ARHGAP24: variants seen among roughly 807,000 people sequenced by gnomAD.
The protein encoded by ARHGAP24 is rho GTPase-activating protein 24.
ARHGAP24 carries 50 observed loss-of-function variants against 76.4 expected under a neutral mutation model. The ratio of observed to expected loss-of-function variants is 0.65; its 90% CI spans 0.52 to 0.83. ARHGAP24 has a LOEUF of 0.83. Among genes scored for constraint, ARHGAP24 ranks in the 40% least tolerant of loss-of-function variants. The pLI, the probability that ARHGAP24 is intolerant of heterozygous loss-of-function variation, is 0.00. For missense variants in ARHGAP24, 930 were observed against 914.2 expected (o/e 1.02, Z -0.22); for synonymous variants, 345 against 323.3 (o/e 1.07, Z -0.72).
chr4:85,612,260 T>C (rs906126943), intron 2 of ARHGAP24, among the ~76,000 whole-genome samples: 4 of 151,090 alleles, frequency 2.6e-5, no homozygotes, highest in East Asian at 2.0e-4. Context: ...CTACTAAAAA[T>C]ACAAAAATTA....
chr4:85,493,691 T>C (rs1054833316), intron 1 of ARHGAP24, among the ~76,000 whole-genome samples: 1 of 152,154 alleles, frequency 6.6e-6, no homozygotes, highest in African/African-American at 2.4e-5. Context: ...AGCCCATGAG[T>C]CAATCATTTT....
intron 1 of ARHGAP24, among the ~76,000 whole-genome samples, chr4:85,552,893 T>C (rs946229515): frequency 6.6e-6 from 1 of 152,172 alleles, no homozygotes; most frequent in African/African-American, 2.4e-5. Context: ...ATGGATGTCA[T>C]TGTGTGTCCA....
chr4:85,709,808 G>A (rs551782912), intron 2 of ARHGAP24, among the ~76,000 whole-genome samples: 2 of 152,032 alleles, frequency 1.3e-5, no homozygotes, highest in Admixed American at 1.3e-4. Flanking sequence ...TACCTAGCCA[G>A]GGAAGTGAAA....
chr4:85,684,257 CTTG>C (rs1405567154), intron 2 of ARHGAP24, among the ~76,000 whole-genome samples: 2 of 152,132 alleles, frequency 1.3e-5, no homozygotes, highest in Non-Finnish European at 1.5e-5. Context: ...TTTGTCAACA[CTTG>C]TTATTTTCTG....
intron 3 of ARHGAP24, among the ~76,000 whole-genome samples, chr4:85,748,352 G>T (rs371589002): frequency 1.1e-4 from 16 of 152,312 alleles, no homozygotes; most frequent in African/African-American, 3.6e-4. Flanking sequence ...CCATGCTGGG[G>T]TTAAGAAAAT....
intron 3 of ARHGAP24, among the ~76,000 whole-genome samples, chr4:85,921,187 A>G (rs1370152291): frequency 2.0e-5 from 3 of 152,340 alleles, no homozygotes; most frequent in Admixed American, 6.5e-5. Flanking sequence ...ACCACGGAAC[A>G]CTATGTAGCC....
intron 2 of ARHGAP24, among the ~76,000 whole-genome samples, chr4:85,700,545 A>C (rs1052293120): frequency 2.0e-5 from 3 of 152,106 alleles, no homozygotes; most frequent in Non-Finnish European, 4.4e-5. Flanking sequence ...CCATCAATGG[A>C]GATAGGAAGG....
At chr4:85,563,071 T>C (rs1726663702) in intron 1 of ARHGAP24, among the ~76,000 whole-genome samples, 1 of 152,102 alleles carries the variant, frequency 6.6e-6, no homozygotes, top group Non-Finnish European at 1.5e-5. Flanking sequence ...TCAAGTTCAG[T>C]ATAAACTGGC....
At chr4:85,527,889 A>G (rs1725076367) in intron 1 of ARHGAP24, among the ~76,000 whole-genome samples, 2 of 152,134 alleles carry the variant, frequency 1.3e-5, no homozygotes, top group Non-Finnish European at 2.9e-5. Context: ...ATAACAAACA[A>G]TTAATTTCTT....
chr4:85,885,069 A>G (rs891616100), intron 3 of ARHGAP24, among the ~76,000 whole-genome samples: 1 of 152,176 alleles, frequency 6.6e-6, no homozygotes, highest in Non-Finnish European at 1.5e-5. Context: ...AAGTTTTCTT[A>G]TTGAAGGCAT....
At chr4:85,606,615 G>T (rs1276350526) in intron 2 of ARHGAP24, among the ~76,000 whole-genome samples, 2 of 151,978 alleles carry the variant, frequency 1.3e-5, no homozygotes, top group Admixed American at 6.6e-5. Context: ...ACTTGAACAA[G>T]TTACACTCTT....
chr4:85,814,614 T>C (rs968228017), intron 3 of ARHGAP24, among the ~76,000 whole-genome samples: 1 of 152,204 alleles, frequency 6.6e-6, no homozygotes, highest in Non-Finnish European at 1.5e-5. Flanking sequence ...TCCCAGGGTC[T>C]TGGGCAGCTC....
chr4:85,733,403 T>A (rs937820960), intron 3 of ARHGAP24, among the ~76,000 whole-genome samples: 2 of 152,096 alleles, frequency 1.3e-5, no homozygotes, highest in South Asian at 4.1e-4. Context: ...TAAACTGTTA[T>A]TATGAAGGGG....
At chr4:85,578,240 T>C (rs1727467204) in intron 2 of ARHGAP24, among the ~76,000 whole-genome samples, 1 of 152,224 alleles carries the variant, frequency 6.6e-6, no homozygotes, top group South Asian at 2.1e-4. Context: ...AACTATGCTA[T>C]AGATAAATAC....
intron 3 of ARHGAP24, among the ~76,000 whole-genome samples, chr4:85,734,803 C>G (rs764927359): frequency 2.0e-5 from 3 of 151,926 alleles, no homozygotes; most frequent in South Asian, 2.1e-4. Flanking sequence ...ATAATGGGTT[C>G]TTTGATTGAA....
intron 1 of ARHGAP24, among the ~76,000 whole-genome samples, chr4:85,559,888 A>G (rs998434742): frequency 2.0e-5 from 3 of 152,178 alleles, no homozygotes; most frequent in African/African-American, 7.2e-5. Flanking sequence ...TTGCTTTTGG[A>G]AAAGCACTGG....
chr4:85,964,722 T>C (rs1738473052), intron 5 of ARHGAP24, among the ~76,000 whole-genome samples: 1 of 152,152 alleles, frequency 6.6e-6, no homozygotes, highest in Non-Finnish European at 1.5e-5. Flanking sequence ...TACTTTCTTT[T>C]TGAGGAGTCT....
intron 3 of ARHGAP24, among the ~76,000 whole-genome samples, chr4:85,801,830 T>A (rs1159745085): frequency 2.0e-5 from 3 of 152,258 alleles, no homozygotes; most frequent in Admixed American, 2.0e-4. Context: ...TGCATCCATG[T>A]ATGATAGGTG....
At chr4:85,636,577 C>A (rs1721315099) in intron 2 of ARHGAP24, among the ~76,000 whole-genome samples, 1 of 152,022 alleles carries the variant, frequency 6.6e-6, no homozygotes, top group South Asian at 2.1e-4. Context: ...CACAGACACA[C>A]ACACACTCAG....
Sources: gnomAD v4.1 joint callset for allele counts (sites outside exome capture counted in the v4.1 genomes callset) on GRCh38, gnomAD v4.1.1 for gene constraint, MANE v1.5 for transcripts, NCBI Gene and HGNC (gene_info 2026-07-23, HGNC 2026-07-21) for gene names.